The following CMSS1 variants were observed in gnomAD, a reference collection of about 807,000 sequenced individuals.
CMSS1 encodes cms1 ribosomal small subunit homolog.
In CMSS1, 33 loss-of-function variants were observed where a neutral mutation model predicts 43.5. That is an observed-to-expected ratio of 0.76 (90% CI 0.57 to 1.01). The LOEUF is 1.01. CMSS1 is among the 50% of genes least tolerant of loss of function. The probability of loss-of-function intolerance (pLI) is 0.00; values close to 1 mark genes in which losing one functional copy is unlikely to be tolerated. For missense variants in CMSS1, 313 were observed against 326.4 expected (o/e 0.96, Z 0.32); for synonymous variants, 115 against 117.2 (o/e 0.98, Z 0.12).
At chr3:99,930,027 A>T in intron 1 of CMSS1, 1 of 1,599,314 alleles carries the variant, frequency 6.3e-7, no homozygotes, top group Non-Finnish European at 8.5e-7. Context: ...CCTCATCTCG[A>T]GCCTGTAGGA....
chr3:99,818,471 A>G (rs1318048604), intron 1 of CMSS1, among the ~76,000 whole-genome samples: 1 of 152,198 alleles, frequency 6.6e-6, no homozygotes, highest in African/African-American at 2.4e-5. Context: ...CCTTTTCCTC[A>G]TCTGTAAAAT....
intron 1 of CMSS1, among the ~76,000 whole-genome samples, chr3:99,895,114 A>G (rs1559679342): frequency 6.6e-6 from 1 of 152,094 alleles, no homozygotes; most frequent in Admixed American, 6.5e-5. Flanking sequence ...CTGGCTTTTT[A>G]TATAGAGAGA....
intron 1 of CMSS1, among the ~76,000 whole-genome samples, chr3:100,140,681 G>C (rs1310940025): frequency 1.3e-5 from 2 of 152,080 alleles, no homozygotes. Context: ...AACTAATAAA[G>C]ACAGAGGAGC....
At chr3:100,113,285 A>T (rs1413207095) in intron 1 of CMSS1, among the ~76,000 whole-genome samples, 4 of 152,226 alleles carry the variant, frequency 2.6e-5, no homozygotes, top group African/African-American at 7.2e-5. Flanking sequence ...CCTCCCATTG[A>T]GGAGTACAGT....
chr3:99,820,645 T>A (rs1378299588), intron 1 of CMSS1, among the ~76,000 whole-genome samples: 2 of 152,264 alleles, frequency 1.3e-5, no homozygotes, highest in African/African-American at 2.4e-5. Context: ...GTACAGCGTT[T>A]CTAATTCAAA....
intron 1 of CMSS1, among the ~76,000 whole-genome samples, chr3:100,110,637 G>A (rs959796583): frequency 1.3e-5 from 2 of 152,176 alleles, no homozygotes; most frequent in Admixed American, 6.6e-5. Context: ...GACAATACTA[G>A]CTATGTGGCT....
intron 8 of CMSS1, 89 bp from the exon 9 acceptor site, chr3:100,176,238 C>T: frequency 1.1e-6 from 1 of 918,982 alleles, no homozygotes; most frequent in Non-Finnish European, 1.7e-6. Context: ...ACATATGAGA[C>T]AAAAAGTAAC....
chr3:99,960,534 C>T (rs1393698397), intron 1 of CMSS1, among the ~76,000 whole-genome samples: 2 of 152,210 alleles, frequency 1.3e-5, no homozygotes, highest in East Asian at 1.9e-4. Context: ...GTGAAATAAT[C>T]TCCCTCCTCA....
intron 1 of CMSS1, among the ~76,000 whole-genome samples, chr3:99,885,385 CTTA>C (rs1254767660): frequency 2.0e-5 from 3 of 152,184 alleles, no homozygotes; most frequent in Non-Finnish European, 4.4e-5. Flanking sequence ...ACAAACTTAT[CTTA>C]TTATTGCTAA....
chr3:99,919,665 T>C (rs1707063260), intron 1 of CMSS1, among the ~76,000 whole-genome samples: 1 of 151,884 alleles, frequency 6.6e-6, no homozygotes, highest in Admixed American at 6.6e-5. Flanking sequence ...AACAGTAGGG[T>C]CAAATATGGC....
intron 5 of CMSS1, among the ~76,000 whole-genome samples, 198 bp from the exon 6 acceptor site, chr3:100,167,538 TTG>T (rs1415496866): frequency 1.3e-4 from 20 of 152,364 alleles, no homozygotes; most frequent in African/African-American, 4.6e-4. Context: ...TATGTTTGTT[TTG>T]TGTTACAAAT....
chr3:99,914,483 G>A (rs1182956183), intron 1 of CMSS1, among the ~76,000 whole-genome samples: 1 of 151,824 alleles, frequency 6.6e-6, no homozygotes, highest in Non-Finnish European at 1.5e-5. Flanking sequence ...CAAGTCAGTG[G>A]GAAAGTCTGA....
At chr3:100,122,044 ATG>A (rs770198048) in intron 1 of CMSS1, among the ~76,000 whole-genome samples, 49 of 152,220 alleles carry the variant, frequency 3.2e-4, no homozygotes, top group Non-Finnish European at 5.6e-4. Flanking sequence ...GATAAGAATT[ATG>A]CAAGGAAGCA....
intron 1 of CMSS1, among the ~76,000 whole-genome samples, chr3:100,074,989 C>T (rs879937368): frequency 5.3e-5 from 8 of 151,658 alleles, no homozygotes; most frequent in Non-Finnish European, 8.8e-5. Flanking sequence ...CCAACATGCC[C>T]GGCCTGATTT....
At chr3:100,064,828 G>T (rs1198392990) in intron 1 of CMSS1, among the ~76,000 whole-genome samples, 1 of 146,596 alleles carries the variant, frequency 6.8e-6, no homozygotes, top group Non-Finnish European at 1.5e-5. Context: ...TCAGCAGTTG[G>T]ATTTCCACAC....
chr3:99,833,053 A>G, intron 1 of CMSS1: 1 of 622,800 alleles, frequency 1.6e-6, no homozygotes, highest in East Asian at 2.9e-5. Flanking sequence ...AAGACCACAC[A>G]GTGAATGTTC....
chr3:100,012,272 T>C (rs987517029), intron 1 of CMSS1, among the ~76,000 whole-genome samples: 3 of 152,214 alleles, frequency 2.0e-5, no homozygotes, highest in Non-Finnish European at 4.4e-5. Flanking sequence ...TATTACTTTG[T>C]CAACCAATTA....
At chr3:99,955,160 T>C (rs1708285384) in intron 1 of CMSS1, among the ~76,000 whole-genome samples, 1 of 152,228 alleles carries the variant, frequency 6.6e-6, no homozygotes, top group Admixed American at 6.5e-5. Flanking sequence ...TGTATCATTC[T>C]AGCAATGGGG....
intron 1 of CMSS1, among the ~76,000 whole-genome samples, chr3:100,105,020 A>T (rs1576067229): frequency 6.6e-6 from 1 of 152,214 alleles, no homozygotes; most frequent in Non-Finnish European, 1.5e-5. Flanking sequence ...TGATTTATGT[A>T]TATAAGAATC....
Sources: gnomAD v4.1 joint callset for allele counts (sites outside exome capture counted in the v4.1 genomes callset) on GRCh38, gnomAD v4.1.1 for gene constraint, MANE v1.5 for transcripts, NCBI Gene and HGNC (gene_info 2026-07-23, HGNC 2026-07-21) for gene names.